Variants in C8orf34 observed in about 807,000 individuals in gnomAD.
C8orf34 encodes chromosome 8 open reading frame 34.
In C8orf34, 65 loss-of-function variants were observed where a neutral mutation model predicts 68.3. The observed-to-expected ratio is 0.95, with a 90% confidence interval of 0.78 to 1.17. The LOEUF (loss-of-function observed/expected upper bound fraction) is 1.17, where lower values mean the gene tolerates loss of function less well. Among genes scored for constraint, C8orf34 ranks in the 50% most tolerant of loss-of-function variants. The pLI, the probability that C8orf34 is intolerant of heterozygous loss-of-function variation, is 0.00. For synonymous variants in C8orf34, 244 were observed against 241.2 expected, an observed-to-expected ratio of 1.01 and a Z score of -0.11; for missense variants, 664 against 655.4, an observed-to-expected ratio of 1.01 and a Z score of -0.14.
intron 5 of C8orf34, 25 bp from the exon 6 acceptor site, chr8:68,521,774 C>T: frequency 6.3e-7 from 1 of 1,596,608 alleles, no homozygotes; most frequent in Non-Finnish European, 8.5e-7. Context: ...CCATCTAAGA[C>T]AGCATATTCT....
chr8:68,702,174 C>G (rs930661870), intron 8 of C8orf34, among the ~76,000 whole-genome samples: 2 of 152,034 alleles, frequency 1.3e-5, no homozygotes, highest in Non-Finnish European at 2.9e-5. Context: ...ACCTATTACT[C>G]TCTCCTTAGC....
At chr8:68,745,622 T>C (rs1402297751) in intron 10 of C8orf34, among the ~76,000 whole-genome samples, 3 of 151,596 alleles carry the variant, frequency 2.0e-5, no homozygotes, top group Non-Finnish European at 4.4e-5. Flanking sequence ...CCAACAAAGA[T>C]CAAAAGAGAC....
intron 2 of C8orf34, among the ~76,000 whole-genome samples, chr8:68,446,079 C>T (rs541653601): frequency 9.2e-5 from 14 of 152,246 alleles, no homozygotes; most frequent in South Asian, 6.2e-4. Context: ...TGAACCACTG[C>T]GCCCAGCCAA....
At chr8:68,475,232 A>G (rs575928960) in intron 4 of C8orf34, among the ~76,000 whole-genome samples, 2 of 152,216 alleles carry the variant, frequency 1.3e-5, no homozygotes, top group South Asian at 2.1e-4. Context: ...ATTTCCTCCA[A>G]GATTATTTCT....
At chr8:68,458,427 T>A (rs1195778016) in intron 3 of C8orf34, among the ~76,000 whole-genome samples, 1 of 152,026 alleles carries the variant, frequency 6.6e-6, no homozygotes, top group Non-Finnish European at 1.5e-5. Flanking sequence ...CTGGTAGATA[T>A]CCAGGGATAT....
chr8:68,786,239 T>C (rs1823840211), intron 11 of C8orf34, among the ~76,000 whole-genome samples: 1 of 152,128 alleles, frequency 6.6e-6, no homozygotes. Flanking sequence ...AAATTTAAAG[T>C]CGTTATTTTG....
intron 7 of C8orf34, among the ~76,000 whole-genome samples, chr8:68,548,555 G>A (rs1815962365): frequency 6.6e-6 from 1 of 151,716 alleles, no homozygotes; most frequent in South Asian, 2.1e-4. Flanking sequence ...ACGTGGAGCA[G>A]CTGGAATTCT....
At chr8:68,408,776 TTTG>T (rs1809314541) in intron 1 of C8orf34, among the ~76,000 whole-genome samples, 2 of 152,030 alleles carry the variant, frequency 1.3e-5, no homozygotes, top group South Asian at 4.1e-4. Flanking sequence ...CTGCCAGTCT[TTTG>T]TTTGTTTTTT....
intron 7 of C8orf34, among the ~76,000 whole-genome samples, chr8:68,566,138 A>G (rs1314145308): frequency 6.6e-6 from 1 of 152,148 alleles, no homozygotes; most frequent in Non-Finnish European, 1.5e-5. Flanking sequence ...TTAATTTTGG[A>G]TATAATTATA....
At chr8:68,751,890 TA>T (rs563590182) in intron 10 of C8orf34, among the ~76,000 whole-genome samples, 366 of 151,554 alleles carry the variant, frequency 2.4e-3, no homozygotes, top group African/African-American at 8.4e-3. Flanking sequence ...AAAATTATTA[TA>T]TTACAAATAA....
chr8:68,411,933 G>C (rs887226383), intron 1 of C8orf34, among the ~76,000 whole-genome samples: 3 of 152,188 alleles, frequency 2.0e-5, no homozygotes, highest in Non-Finnish European at 4.4e-5. Context: ...TGAAGCCTTT[G>C]GGAGGTGATT....
chr8:68,346,371 G>T (rs929350483), intron 1 of C8orf34, among the ~76,000 whole-genome samples: 1 of 151,210 alleles, frequency 6.6e-6, no homozygotes, highest in African/African-American at 2.4e-5. Context: ...CCCCATGCAG[G>T]CACCAACCTC....
At chr8:68,538,651 T>TATA (rs1815582467) in intron 7 of C8orf34, among the ~76,000 whole-genome samples, 1 of 151,824 alleles carries the variant, frequency 6.6e-6, no homozygotes. Context: ...ACAGCAAAAA[T>TATA]GTATGTTTCC....
At chr8:68,478,880 A>C (rs1812737448) in intron 4 of C8orf34, among the ~76,000 whole-genome samples, 1 of 152,206 alleles carries the variant, frequency 6.6e-6, no homozygotes, top group Non-Finnish European at 1.5e-5. Flanking sequence ...CAACAAGTGG[A>C]AATTACAATT....
chr8:68,622,643 C>T (rs1408014863), intron 7 of C8orf34, among the ~76,000 whole-genome samples: 1 of 152,076 alleles, frequency 6.6e-6, no homozygotes, highest in African/African-American at 2.4e-5. Flanking sequence ...AAGATAGCAT[C>T]TTTGTTTTGT....
intron 8 of C8orf34, among the ~76,000 whole-genome samples, chr8:68,651,544 A>T (rs1033486904): frequency 2.6e-5 from 4 of 152,246 alleles, no homozygotes; most frequent in African/African-American, 4.8e-5. Flanking sequence ...CAATTAGGGA[A>T]TGAAAACAGT....
intron 2 of C8orf34, among the ~76,000 whole-genome samples, chr8:68,444,383 A>G (rs1214348858): frequency 6.6e-6 from 1 of 152,102 alleles, no homozygotes; most frequent in African/African-American, 2.4e-5. Flanking sequence ...GTCACATTCC[A>G]ACATTTAATA....
chr8:68,332,845 GA>G (rs1394443202), intron 1 of C8orf34, among the ~76,000 whole-genome samples: 3 of 152,136 alleles, frequency 2.0e-5, no homozygotes, highest in Non-Finnish European at 4.4e-5. Flanking sequence ...ATGCAAGAGC[GA>G]AATAAAATTG....
intron 12 of C8orf34, among the ~76,000 whole-genome samples, chr8:68,801,245 A>G (rs1406984859): frequency 6.6e-6 from 1 of 152,200 alleles, no homozygotes; most frequent in Non-Finnish European, 1.5e-5. Flanking sequence ...TTTGGCCAGA[A>G]CAATCTTTTA....
Sources: gnomAD v4.1 joint callset for allele counts (sites outside exome capture counted in the v4.1 genomes callset) on GRCh38, gnomAD v4.1.1 for gene constraint, MANE v1.5 for transcripts, NCBI Gene and HGNC (gene_info 2026-07-23, HGNC 2026-07-21) for gene names.